The following COLGALT2 variants were observed in gnomAD, a reference collection of about 807,000 sequenced individuals.
COLGALT2 encodes the protein procollagen galactosyltransferase 2.
In COLGALT2, 49 loss-of-function variants were observed where a neutral mutation model predicts 73.4. The observed-to-expected ratio is 0.67, with a 90% CI of 0.53 to 0.85. The LOEUF (loss-of-function observed/expected upper bound fraction) is 0.85. Ranked by LOEUF, COLGALT2 falls within the 40% of genes least tolerant of loss-of-function variation. The probability of loss-of-function intolerance (pLI) is 0.00; values close to 1 mark genes in which losing one functional copy is unlikely to be tolerated. For synonymous variants in COLGALT2, 295 were observed against 307.6 expected, an observed-to-expected ratio of 0.96 and a Z score of 0.43; for missense variants, 722 against 790.2, an observed-to-expected ratio of 0.91 and a Z score of 1.03.
chr1:183,986,239 G>A (rs900578966), intron 1 of COLGALT2, among the ~76,000 whole-genome samples: 3 of 152,128 alleles, frequency 2.0e-5, no homozygotes, highest in Non-Finnish European at 4.4e-5. Context: ...TGGATTGGGG[G>A]TCTGGGGATT....
At chr1:183,980,224 A>G (rs535803466) in intron 1 of COLGALT2, among the ~76,000 whole-genome samples, 58 of 152,146 alleles carry the variant, frequency 3.8e-4, no homozygotes, top group African/African-American at 1.3e-3. Context: ...ACATATATAA[A>G]GAAATTAATA....
Position 184,004,851 on chromosome 1 carries a change from C to T in COLGALT2, c.264-26331G>A, listed in dbSNP as rs190570241. 1.8e-4 allele frequency among the ~76,000 whole-genome samples: 28 copies of T among 152,018 alleles called. No homozygotes were observed. The East Asian group carries it at 2.1e-3, about 12-fold the overall frequency. On this transcript the variant is annotated intron_variant, in intron 1 of 11. Transcript: ENST00000361927. ...CACAGAGAGTCACAGAGCAGGGGGA[C>T]GTGGGAGTCACAGAGAGATCCTTCC... is the stretch of plus-strand genomic sequence containing the variant.
chr1:183,950,063 C>A (rs1289295855), intron 8 of COLGALT2, among the ~76,000 whole-genome samples: 2 of 152,140 alleles, frequency 1.3e-5, no homozygotes, highest in Non-Finnish European at 2.9e-5. Context: ...TTTAGTATAA[C>A]CAAGCCCCAT....
intron 4 of COLGALT2, among the ~76,000 whole-genome samples, 197 bp from the exon 5 acceptor site, chr1:183,969,670 C>G (rs1266467791): frequency 6.6e-6 from 1 of 152,130 alleles, no homozygotes; most frequent in Admixed American, 6.6e-5. Context: ...TAAAATAATA[C>G]TAAAAGGGTC....
intron 1 of COLGALT2, among the ~76,000 whole-genome samples, chr1:184,009,125 G>A (rs1176153905): frequency 6.6e-6 from 1 of 152,166 alleles, no homozygotes; most frequent in Non-Finnish European, 1.5e-5. Context: ...TAGACAAGAA[G>A]TATAGACAAA....
intron 6 of COLGALT2, among the ~76,000 whole-genome samples, chr1:183,962,420 A>C: frequency 6.6e-6 from 1 of 151,814 alleles, no homozygotes; most frequent in African/African-American, 2.4e-5. Context: ...CAGCCTCCTA[A>C]AGTGCTGGGA....
chr1:183,977,200 G>A (rs139300550), intron 2 of COLGALT2, among the ~76,000 whole-genome samples: 2,877 of 152,132 alleles, frequency 0.019, 71 homozygotes, highest in African/African-American at 0.055. Context: ...GGCCGGGCAC[G>A]GTGGCTCACA....
At chr1:183,963,115 T>A (rs1670761268) in intron 6 of COLGALT2, among the ~76,000 whole-genome samples, 1 of 152,198 alleles carries the variant, frequency 6.6e-6, no homozygotes, top group Admixed American at 6.5e-5. Context: ...TCACACATAA[T>A]AAAAAGCATA....
In COLGALT2 at chr1:183,982,007, T is replaced by A. The variant is rs2986571; in HGVS notation, c.264-3487A>T. Among the ~76,000 whole-genome samples the A allele has an allele frequency of 4.3e-4, 65 of 151,838 alleles. 1 individual carries two copies. The highest frequency in any genetic ancestry group is 1.5e-3 in the African/African-American group (63 of 41,196). On this transcript the variant is annotated intron_variant, in intron 1 of 11. Transcript: ENST00000361927. ...GTAAAATAGATACTTAAATTAAAACTAGCCTACTTAAAAACATTATCCAAT... is the reference window on the plus strand; with the variant it reads ...GTAAAATAGATACTTAAATTAAAACAAGCCTACTTAAAAACATTATCCAAT...
intron 1 of COLGALT2, among the ~76,000 whole-genome samples, chr1:183,982,679 C>A (rs978694392): frequency 5.9e-5 from 9 of 152,186 alleles, no homozygotes; most frequent in Admixed American, 5.9e-4. Flanking sequence ...TTAGTCCTAG[C>A]TACCTGACAG....
At chr1:183,950,391 A>G (rs1397209530) in intron 8 of COLGALT2, among the ~76,000 whole-genome samples, 3 of 152,130 alleles carry the variant, frequency 2.0e-5, no homozygotes, top group Non-Finnish European at 4.4e-5. Context: ...AAACCAACAT[A>G]TAACATGGAA....
intron 5 of COLGALT2, among the ~76,000 whole-genome samples, chr1:183,967,557 A>T (rs2102810891): frequency 6.6e-6 from 1 of 152,318 alleles, no homozygotes; most frequent in South Asian, 2.1e-4. Flanking sequence ...TTTTTCCCAT[A>T]CCAATATCCA....
At chr1:183,960,250 C>T (rs1054463363) in intron 6 of COLGALT2, among the ~76,000 whole-genome samples, 2 of 152,186 alleles carry the variant, frequency 1.3e-5, no homozygotes, top group Non-Finnish European at 2.9e-5. Context: ...TTTCTGCCTA[C>T]TGTTTTAAGT....
chr1:184,034,845 C>A (rs1649623632), intron 1 of COLGALT2, among the ~76,000 whole-genome samples: 1 of 152,190 alleles, frequency 6.6e-6, no homozygotes, highest in African/African-American at 2.4e-5. Context: ...AATTTTATTT[C>A]TTCACAGAAT....
chr1:183,996,804 T>C (rs945863267), intron 1 of COLGALT2, among the ~76,000 whole-genome samples: 20 of 152,294 alleles, frequency 1.3e-4, no homozygotes, highest in Admixed American at 1.0e-3. Flanking sequence ...TCTAAGAAAG[T>C]AAATACTACA....
intron 5 of COLGALT2, among the ~76,000 whole-genome samples, chr1:183,968,762 C>T (rs1279749289): frequency 1.3e-5 from 2 of 152,144 alleles, no homozygotes; most frequent in African/African-American, 4.8e-5. Flanking sequence ...TGGGACTCCA[C>T]AATTAAGGGC....
chr1:183,967,314 C>G (rs572498982), intron 5 of COLGALT2, among the ~76,000 whole-genome samples: 1 of 152,358 alleles, frequency 6.6e-6, no homozygotes, highest in Admixed American at 6.5e-5. Flanking sequence ...ATGTAAAAAT[C>G]TTAACTCCCA....
At chr1:183,946,504 T>G (rs1181149006) in intron 8 of COLGALT2, 1 of 152,092 alleles carries the variant, frequency 6.6e-6, no homozygotes, top group African/African-American at 2.4e-5. Context: ...AACACTGCAA[T>G]GAAGGAAGAA....
At chr1:183,934,347 G>A (rs1291059336), downstream of COLGALT2, among the ~76,000 whole-genome samples, 1 of 152,316 alleles carries the variant, frequency 6.6e-6, no homozygotes, top group East Asian at 1.9e-4. Context: ...TGTCTCAGCT[G>A]CCCTACACTG....
Sources: allele counts gnomAD v4.1 joint callset (sites outside exome capture counted in the v4.1 genomes callset), GRCh38; gene constraint gnomAD v4.1.1; transcripts MANE v1.5; gene names NCBI Gene and HGNC (gene_info 2026-07-23, HGNC 2026-07-21).